PRKAR1B: variants seen among roughly 807,000 people sequenced by gnomAD.
The protein encoded by PRKAR1B is protein kinase cAMP-dependent type I regulatory subunit beta, also known as cAMP-dependent protein kinase type I-beta regulatory subunit.
In PRKAR1B, 22 loss-of-function variants were observed where a neutral mutation model predicts 46.5. That is an observed-to-expected ratio of 0.47 (90% confidence interval 0.34 to 0.68). The LOEUF is 0.68. Among genes scored for constraint, PRKAR1B ranks in the 30% least tolerant of loss-of-function variants. The probability of loss-of-function intolerance (pLI) is 0.01; values close to 1 mark genes in which losing one functional copy is unlikely to be tolerated. For synonymous variants in PRKAR1B, 259 were observed against 217.7 expected, an observed-to-expected ratio of 1.19 and a Z score of -1.67; for missense variants, 445 against 535.6, an observed-to-expected ratio of 0.83 and a Z score of 1.67.
chr7:717,307 A>AAG (rs1780916588), intron 1 of PRKAR1B, among the ~76,000 whole-genome samples: 2 of 151,780 alleles, frequency 1.3e-5, no homozygotes, highest in South Asian at 2.1e-4. Flanking sequence ...GAAAGAAAGA[A>AAG]AGAGAGAGAG....
intron 4 of PRKAR1B, among the ~76,000 whole-genome samples, chr7:628,129 C>T (rs138796766): frequency 2.6e-5 from 4 of 152,320 alleles, no homozygotes; most frequent in African/African-American, 4.8e-5. Flanking sequence ...TCCACGGCCA[C>T]GCGGCTTCCT....
At chr7:586,292 CCT>C (rs1217446207) in intron 7 of PRKAR1B, among the ~76,000 whole-genome samples, 2 of 152,204 alleles carry the variant, frequency 1.3e-5, no homozygotes, top group African/African-American at 2.4e-5. Context: ...GTGTCCACAC[CCT>C]GTGTGCTCTG....
chr7:551,300 C>T (rs1562511042), intron 10 of PRKAR1B, 89 bp downstream of exon 10: 1 of 1,297,144 alleles, frequency 7.7e-7, no homozygotes, highest in African/African-American at 1.5e-5. Context: ...AGGGAAGCCC[C>T]CCAGCAGCTC....
At chr7:719,257 C>A (rs1048237375) in intron 1 of PRKAR1B, among the ~76,000 whole-genome samples, 2 of 152,124 alleles carry the variant, frequency 1.3e-5, no homozygotes, top group African/African-American at 4.8e-5. Context: ...CCAGGCTGGT[C>A]TCAAACTCCT....
intron 6 of PRKAR1B, among the ~76,000 whole-genome samples, chr7:605,959 G>C (rs553152127): frequency 6.6e-6 from 1 of 152,322 alleles, no homozygotes; most frequent in Admixed American, 6.5e-5. Flanking sequence ...AGCGGCCCTG[G>C]AAAACCTGAG....
At chr7:715,938 G>GGTCTCAA (rs1780864287) in intron 1 of PRKAR1B, among the ~76,000 whole-genome samples, 1 of 151,734 alleles carries the variant, frequency 6.6e-6, no homozygotes, top group Non-Finnish European at 1.5e-5. Context: ...GATGGTCTCG[G>GGTCTCAA]TCTCCTGACC....
At chr7:648,937 G>A (rs1784756435) in intron 4 of PRKAR1B, among the ~76,000 whole-genome samples, 1 of 152,184 alleles carries the variant, frequency 6.6e-6, no homozygotes. Context: ...GCCGAGGCAG[G>A]TGGATCGCCT....
chr7:648,024 T>C (rs867243296), intron 4 of PRKAR1B, among the ~76,000 whole-genome samples: 90 of 151,282 alleles, frequency 5.9e-4, no homozygotes, highest in African/African-American at 2.0e-3. Flanking sequence ...TGCGCACCTG[T>C]GGTCCCAGGT....
rs565440621 is a variant in PRKAR1B, at chr7:601,897, G to C, written c.549+4296C>G. 2.7e-3 allele frequency among the ~76,000 whole-genome samples: 409 copies of C among 152,038 alleles called. 1 individual carries two copies. The highest frequency in any genetic ancestry group is 4.5e-3 in the Non-Finnish European group (306 of 67,842). On this transcript the variant is annotated intron_variant, in intron 6 of 10. Coordinates refer to ENST00000537384, the MANE Select transcript of PRKAR1B (RefSeq NM_001164760.2). ...GTGCCTGACCCGGGGGGGCTGGGGA[G>C]GGGTAGGGACGGGCAGGGGGAGGCG...
At chr7:681,334 A>AAAAAG (rs1778674715) in intron 2 of PRKAR1B, among the ~76,000 whole-genome samples, 1 of 151,988 alleles carries the variant, frequency 6.6e-6, no homozygotes, top group Non-Finnish European at 1.5e-5. Context: ...AAAAAAAAAA[A>AAAAAG]AAAAAAGAAT....
intron 4 of PRKAR1B, among the ~76,000 whole-genome samples, chr7:664,506 G>A (rs1188616614): frequency 6.6e-6 from 1 of 152,216 alleles, no homozygotes; most frequent in Non-Finnish European, 1.5e-5. Flanking sequence ...CAGCATCTCA[G>A]CCCCCAGGTC....
intron 9 of PRKAR1B, among the ~76,000 whole-genome samples, chr7:563,162 G>A (rs2128427258): frequency 6.6e-6 from 1 of 152,252 alleles, no homozygotes; most frequent in Middle Eastern, 3.4e-3. Context: ...AGCCACCAGG[G>A]CAGGTGCAGG....
intron 4 of PRKAR1B, among the ~76,000 whole-genome samples, chr7:637,759 T>C (rs1784196886): frequency 6.6e-6 from 1 of 150,686 alleles, no homozygotes; most frequent in Non-Finnish European, 1.5e-5. Flanking sequence ...CGCTTGAACC[T>C]GAGGTGGAGG....
chr7:578,500 T>G (rs1331117364), intron 9 of PRKAR1B, among the ~76,000 whole-genome samples: 3 of 152,264 alleles, frequency 2.0e-5, no homozygotes, highest in South Asian at 2.1e-4. Flanking sequence ...TTAGAAATAA[T>G]ATAGAGAGAT....
intron 2 of PRKAR1B, among the ~76,000 whole-genome samples, chr7:705,198 A>G (rs918048469): frequency 3.3e-5 from 5 of 151,950 alleles, no homozygotes; most frequent in Admixed American, 3.3e-4. Context: ...AGGCTGAGGC[A>G]GGAAAATCGC....
At chr7:587,771 A>C (rs1435080660) in intron 7 of PRKAR1B, among the ~76,000 whole-genome samples, 1 of 152,194 alleles carries the variant, frequency 6.6e-6, no homozygotes. Flanking sequence ...CTGGGGCAGG[A>C]GGCCCTGCAG....
chr7:685,341 T>C lies in PRKAR1B; in HGVS notation c.178-4615A>G, dbSNP rs1421439263. ...ACGTATATATACGTATATATACGTA[T>C]ATATATGTATACATATATATATACA... On this transcript the variant is annotated intron_variant, in intron 2 of 10. Coordinates refer to ENST00000537384, the MANE Select transcript of PRKAR1B (RefSeq NM_001164760.2). Among the ~76,000 whole-genome samples, 5 of 81,510 alleles carry C rather than the reference T, an allele frequency of 6.1e-5. 1 individual carries two copies. Among genetic ancestry groups the C allele is most frequent in the African/African-American group, 2.8e-4 (5 of 17,664 alleles). The allele number at this position is 81,510 out of a possible 152,430, so 53.5% of individuals were successfully genotyped here. A position where few individuals can be genotyped will look rare whatever the true frequency, so the allele number is the denominator to read the frequency against.
At chr7:623,268 G>A (rs1449836089) in intron 4 of PRKAR1B, among the ~76,000 whole-genome samples, 3 of 152,202 alleles carry the variant, frequency 2.0e-5, no homozygotes, top group Admixed American at 6.5e-5. Flanking sequence ...CCAACAGCAC[G>A]GTGTTCTCAA....
rs925121521 is a variant in PRKAR1B at position 550,140 on chromosome 7, G to GC, written c.*289dup. Reference sequence around the variant, plus strand: ...CAGGAGACTGGCAGGGGTGGGGTGGGCCCCCCAGGAGAAGCCCACAGAGGC... The same window carrying GC: ...CAGGAGACTGGCAGGGGTGGGGTGGGCCCCCCCAGGAGAAGCCCACAGAGGC... On this transcript the variant is annotated 3_prime_UTR_variant, in exon 11 of 11. Coordinates refer to ENST00000537384, the MANE Select transcript of PRKAR1B (RefSeq NM_001164760.2). The GC allele has an allele frequency of 8.1e-5, 33 of 408,730 alleles. No homozygotes were observed. Among genetic ancestry groups the GC allele is most frequent in the Non-Finnish European group, 1.2e-4 (27 of 223,096 alleles). The allele number at this position is 408,730 out of a possible 1,614,324, so 25.3% of individuals were successfully genotyped here. A position where few individuals can be genotyped will look rare whatever the true frequency, so the allele number is the denominator to read the frequency against.
Sources: gnomAD v4.1 joint callset for allele counts (sites outside exome capture counted in the v4.1 genomes callset) on GRCh38, gnomAD v4.1.1 for gene constraint, MANE v1.5 for transcripts, NCBI Gene and HGNC (gene_info 2026-07-23, HGNC 2026-07-21) for gene names.